The following LRMDA variants were observed in gnomAD, a reference collection of about 807,000 sequenced individuals.
LRMDA encodes leucine-rich melanocyte differentiation-associated protein.
A neutral mutation model predicts 29.8 loss-of-function variants in LRMDA; 18 were observed. That is an observed-to-expected ratio of 0.60 (90% CI 0.42 to 0.90). LRMDA has a LOEUF of 0.90. LRMDA is among the 40% of genes least tolerant of loss of function. The probability of loss-of-function intolerance (pLI) is 0.00; values close to 1 mark genes in which losing one functional copy is unlikely to be tolerated. For missense variants in LRMDA, 273 were observed against 273.9 expected (o/e 1.00, Z 0.02); for synonymous variants, 125 against 109.4 (o/e 1.14, Z -0.89).
Position 76,201,074 on chromosome 10 carries a change from TTTA to T in LRMDA, c.517-123324_517-123322del, listed in dbSNP as rs1851418948. On this transcript the variant is annotated intron_variant, in intron 5 of 6. Transcript: ENST00000611255. ...CATATTATTAGTATTATTATTTTTATTTATTTATTTATTTATTTATTTATTTAT... is the reference window on the plus strand; with the variant it reads ...CATATTATTAGTATTATTATTTTTATTTTATTTATTTATTTATTTATTTAT... Among the ~76,000 whole-genome samples, 6 of 39,288 alleles carry T rather than the reference TTTA, an allele frequency of 1.5e-4. No individual in the cohort carries two copies. The South Asian group carries it at 5.5e-3, about 36-fold the overall frequency. 25.8% of individuals were successfully genotyped at this position (39,288 alleles called of 152,430 possible). A position where few individuals can be genotyped will look rare whatever the true frequency, so the allele number is the denominator to read the frequency against.
At chr10:75,908,683 T>C in intron 2 of LRMDA, among the ~76,000 whole-genome samples, 1 of 152,266 alleles carries the variant, frequency 6.6e-6, no homozygotes, top group East Asian at 1.9e-4. Context: ...CAGTGGAGCG[T>C]TGTTGCTGGG....
At chr10:76,332,239 T>A (rs796655415) in intron 6 of LRMDA, among the ~76,000 whole-genome samples, 2 of 152,214 alleles carry the variant, frequency 1.3e-5, no homozygotes, top group African/African-American at 4.8e-5. Context: ...CCAAGTGGAA[T>A]TGAAGATGGA....
At chr10:76,328,251 ATT>A (rs1840861239) in intron 6 of LRMDA, among the ~76,000 whole-genome samples, 1 of 152,170 alleles carries the variant, frequency 6.6e-6, no homozygotes, top group Non-Finnish European at 1.5e-5. Context: ...CTTTAAATAT[ATT>A]ACGAGTACAG....
intron 2 of LRMDA, among the ~76,000 whole-genome samples, chr10:75,916,858 C>T (rs139517306): frequency 2.1e-3 from 323 of 152,170 alleles, no homozygotes; most frequent in African/African-American, 7.2e-3. Context: ...CGAGCTGTGC[C>T]GAGAATTCCA....
chr10:75,447,355 A>G (rs542949482), intron 2 of LRMDA, among the ~76,000 whole-genome samples: 35 of 152,190 alleles, frequency 2.3e-4, no homozygotes, highest in African/African-American at 7.5e-4. Flanking sequence ...GTGAAACCCC[A>G]TCTCTACTAA....
chr10:75,710,013 G>A (rs1325694438), intron 2 of LRMDA, among the ~76,000 whole-genome samples: 1 of 152,306 alleles, frequency 6.6e-6, no homozygotes, highest in South Asian at 2.1e-4. Flanking sequence ...TGGTAAAAAA[G>A]ACGGTGCAGG....
chr10:76,552,963 C>G (rs1843513313), intron 6 of LRMDA, among the ~76,000 whole-genome samples: 1 of 152,142 alleles, frequency 6.6e-6, no homozygotes, highest in Non-Finnish European at 1.5e-5. Flanking sequence ...ATAACTTAAC[C>G]TGCATAATTA....
intron 2 of LRMDA, among the ~76,000 whole-genome samples, chr10:75,578,749 A>G (rs998269860): frequency 6.6e-6 from 1 of 151,904 alleles, no homozygotes; most frequent in Non-Finnish European, 1.5e-5. Flanking sequence ...CGCACTCAAA[A>G]CCTCACAACT....
intron 2 of LRMDA, among the ~76,000 whole-genome samples, chr10:76,013,769 T>G (rs1847827147): frequency 6.6e-6 from 1 of 152,008 alleles, no homozygotes; most frequent in Non-Finnish European, 1.5e-5. Flanking sequence ...CTATTTTCTT[T>G]CCTTTCAGAA....
chr10:75,485,232 A>G (rs1381535605), intron 2 of LRMDA, among the ~76,000 whole-genome samples: 1 of 152,166 alleles, frequency 6.6e-6, no homozygotes, highest in Non-Finnish European at 1.5e-5. Context: ...ATATTGCAAT[A>G]AAGTTGAGAA....
At chr10:76,458,860 A>T (rs1235750327) in intron 6 of LRMDA, among the ~76,000 whole-genome samples, 1 of 151,976 alleles carries the variant, frequency 6.6e-6, no homozygotes, top group East Asian at 1.9e-4. Context: ...TCGGCATTTG[A>T]TGCACAGATA....
At chr10:76,422,754 T>A (rs1349761036) in intron 6 of LRMDA, among the ~76,000 whole-genome samples, 1 of 152,184 alleles carries the variant, frequency 6.6e-6, no homozygotes, top group Non-Finnish European at 1.5e-5. Flanking sequence ...AAGTGAAAGG[T>A]TTGCTGTTGT....
intron 2 of LRMDA, among the ~76,000 whole-genome samples, chr10:75,786,219 G>T (rs1379472470): frequency 6.6e-6 from 1 of 152,198 alleles, no homozygotes; most frequent in Non-Finnish European, 1.5e-5. Context: ...CCCATTTGGG[G>T]CGGTATGAAA....
At chr10:75,721,537 A>G (rs1246059512) in intron 2 of LRMDA, among the ~76,000 whole-genome samples, 1 of 152,126 alleles carries the variant, frequency 6.6e-6, no homozygotes, top group African/African-American at 2.4e-5. Flanking sequence ...ACAATGGAAA[A>G]ATAGAGTCTC....
chr10:75,937,130 A>G (rs1471680691), intron 2 of LRMDA, among the ~76,000 whole-genome samples: 1 of 152,206 alleles, frequency 6.6e-6, no homozygotes, highest in Non-Finnish European at 1.5e-5. Context: ...AAGAATGACA[A>G]GATACTCTCT....
intron 2 of LRMDA, among the ~76,000 whole-genome samples, chr10:75,822,424 G>C (rs999562957): frequency 6.6e-6 from 1 of 151,770 alleles, no homozygotes; most frequent in African/African-American, 2.4e-5. Context: ...AATTCCTGTC[G>C]AACTACCAAT....
intron 6 of LRMDA, among the ~76,000 whole-genome samples, chr10:76,447,905 A>G (rs982318447): frequency 4.6e-5 from 7 of 152,282 alleles, no homozygotes; most frequent in Middle Eastern, 3.4e-3. Flanking sequence ...TATAAGAGAT[A>G]TTCATCTTGT....
At chr10:75,965,235 C>A (rs1461490771) in intron 2 of LRMDA, among the ~76,000 whole-genome samples, 1 of 152,166 alleles carries the variant, frequency 6.6e-6, no homozygotes. Context: ...CACCTGGTAC[C>A]TAACAAGCTG....
Position 76,444,292 on chromosome 10 carries a change from G to T in LRMDA, c.602-112917G>T, listed in dbSNP as rs189340911. 2.6e-5 allele frequency among the ~76,000 whole-genome samples: 4 copies of T among 152,256 alleles called. No homozygotes were observed. The East Asian group carries it at 7.7e-4, about 29-fold the overall frequency. ...TATTTCAAGGACCCACCCAGGCTCA[G>T]CCCAGCAAAGGAGTACACAGTGCTT... On this transcript the variant is annotated intron_variant, in intron 6 of 6. Transcript: ENST00000611255.
Sources: gnomAD v4.1 joint callset for allele counts (sites outside exome capture counted in the v4.1 genomes callset) on GRCh38, gnomAD v4.1.1 for gene constraint, MANE v1.5 for transcripts, NCBI Gene and HGNC (gene_info 2026-07-23, HGNC 2026-07-21) for gene names.